Variants in GABRB3 observed in about 807,000 individuals in gnomAD.
The protein encoded by GABRB3 is gamma-aminobutyric acid type A receptor subunit beta3, also known as gamma-aminobutyric acid receptor subunit beta-3.
In GABRB3, 14 loss-of-function variants were observed where a neutral mutation model predicts 52.1. The ratio of observed to expected loss-of-function variants is 0.27; its 90% CI spans 0.18 to 0.42. The LOEUF is 0.42. Among genes scored for constraint, GABRB3 ranks in the 10% least tolerant of loss-of-function variants. The pLI is 1.00. For missense variants in GABRB3, 307 were observed against 609.1 expected, an observed-to-expected ratio of 0.50 and a Z score of 5.22; for synonymous variants, 260 against 232.3, an observed-to-expected ratio of 1.12 and a Z score of -1.08.
At position 26,748,218 on chromosome 15, in the gene GABRB3, T is replaced by C. The variant is rs540283514; in HGVS notation, c.240+24184A>G. On this transcript the variant is annotated intron_variant, in intron 3 of 8. Transcript: ENST00000311550. ...GTCTTTCTTCCTGGTATCAGTGTAA[T>C]ACTGGTTTCGTAAAATTAGTTGGGA... Among the ~76,000 whole-genome samples, 5 of 152,308 alleles carry C rather than the reference T, an allele frequency of 3.3e-5. No homozygotes were observed. In the South Asian group the frequency reaches 1.0e-3, roughly 32 times the overall value.
intron 3 of GABRB3, chr15:26,629,162 G>T: frequency 6.7e-7 from 1 of 1,499,784 alleles, no homozygotes. Flanking sequence ...CGGAGTGTGG[G>T]GAGAAGCAGC....
intron 3 of GABRB3, among the ~76,000 whole-genome samples, chr15:26,730,386 C>T (rs887396150): frequency 6.9e-6 from 1 of 144,758 alleles, no homozygotes; most frequent in South Asian, 2.2e-4. Context: ...CCACTGCACT[C>T]CAGCCTGGGC....
chr15:26,706,817 T>C lies in GABRB3; in HGVS notation c.240+65585A>G, dbSNP rs554820710. On this transcript the variant is annotated intron_variant, in intron 3 of 8. Coordinates refer to ENST00000311550, the MANE Select transcript of GABRB3 (RefSeq NM_000814.6). The stretch of plus-strand genomic sequence containing the variant: ...TCTTTAAGCCATTATGCCCTAAATC[T>C]GTACACAGATATTCTGCATGAAAAT... 3.3e-4 allele frequency among the ~76,000 whole-genome samples: 50 copies of C among 152,338 alleles called. 1 individual carries two copies. Among genetic ancestry groups the C allele is most frequent in the African/African-American group, 1.1e-3 (47 of 41,578 alleles).
chr15:26,554,705 T>C (rs1256998097), intron 8 of GABRB3, among the ~76,000 whole-genome samples: 3 of 152,236 alleles, frequency 2.0e-5, no homozygotes, highest in South Asian at 4.1e-4. Flanking sequence ...TTTTGGAAGA[T>C]GCAGAGAGTC....
At chr15:26,732,093 GGATA>G (rs1889930692) in intron 3 of GABRB3, among the ~76,000 whole-genome samples, 1 of 151,828 alleles carries the variant, frequency 6.6e-6, no homozygotes, top group Admixed American at 6.6e-5. Flanking sequence ...GTGGATGGAT[GGATA>G]GATGATGGAT....
chr15:26,691,464 A>T (rs1049447163), intron 3 of GABRB3, among the ~76,000 whole-genome samples: 1 of 152,144 alleles, frequency 6.6e-6, no homozygotes, highest in African/African-American at 2.4e-5. Flanking sequence ...CATTCATTAC[A>T]TCCACTCTGC....
At chr15:26,590,809 A>T (rs574136781) in intron 4 of GABRB3, among the ~76,000 whole-genome samples, 1 of 152,300 alleles carries the variant, frequency 6.6e-6, no homozygotes, top group South Asian at 2.1e-4. Flanking sequence ...TCTCCCAGCC[A>T]TGTCATTACA....
rs1404584892 is a variant in GABRB3 at position 26,621,448 on chromosome 15, G to A, written c.327C>T (p.Asp109=). The A allele has an allele frequency of 2.5e-6, 4 of 1,614,160 alleles. No individual in the cohort carries two copies. The highest frequency in any genetic ancestry group is 3.4e-6 in the Non-Finnish European group (4 of 1,180,000). The change falls in exon 4 of 9, where the codon GAC becomes GAT. Residue 109 remains aspartate, a synonymous_variant. Coordinates refer to ENST00000311550, the MANE Select transcript of GABRB3 (RefSeq NM_000814.6). This position sits in a 1 kb window ranked among gnomAD's most constrained non-coding sequence, Gnocchi z 4.1. The stretch of plus-strand genomic sequence containing the variant: ...CCCATAGCTGGTCAGCCACTCGATT[G>A]TCAAGCGTGAGGTTGAGAGGGATCC... The part of the protein sequence containing the change: ...YSGIPLNLTL[D]NRVADQLWVP...
Position 26,651,454 on chromosome 15 carries a change from G to C in GABRB3, c.241-29920C>G, listed in dbSNP as rs73368389. Among the ~76,000 whole-genome samples, 483 of 152,338 alleles carry C rather than the reference G, an allele frequency of 3.2e-3. 4 individuals are homozygous for C. Among genetic ancestry groups the C allele is most frequent in the African/African-American group, 0.011 (466 of 41,578 alleles). The stretch of plus-strand genomic sequence containing the variant: ...AACCAGAGGGTGTACTGACTTGTGG[G>C]AACATTCAAGTATGTTCAGAGCTAT... On this transcript the variant is annotated intron_variant, in intron 3 of 8. Transcript: ENST00000311550.
intron 3 of GABRB3, among the ~76,000 whole-genome samples, chr15:26,742,223 TGGGTCC>T (rs1326137867): frequency 6.6e-6 from 1 of 152,186 alleles, no homozygotes; most frequent in Non-Finnish European, 1.5e-5. Context: ...GTTTGCCTCT[TGGGTCC>T]TTCCCAGGAC....
chr15:26,634,818 G>A (rs929993), intron 3 of GABRB3, among the ~76,000 whole-genome samples: 60,944 of 148,082 alleles, frequency 0.41, 13,034 homozygotes, highest in Middle Eastern at 0.55. Context: ...CACTAAATAC[G>A]TGTGTATATA....
chr15:26,764,215 T>A (rs1355281208), intron 3 of GABRB3, among the ~76,000 whole-genome samples: 1 of 83,556 alleles, frequency 1.2e-5, no homozygotes, highest in Non-Finnish European at 2.2e-5. Flanking sequence ...TATATATATA[T>A]ATATATATAT....
At chr15:26,700,137 CT>C (rs1888880639) in intron 3 of GABRB3, among the ~76,000 whole-genome samples, 1 of 151,932 alleles carries the variant, frequency 6.6e-6, no homozygotes, top group Admixed American at 6.6e-5. Flanking sequence ...AACAAAATTA[CT>C]AACATTGGGA....
intron 8 of GABRB3, among the ~76,000 whole-genome samples, chr15:26,560,602 C>T (rs1889942171): frequency 1.3e-5 from 2 of 152,124 alleles, no homozygotes; most frequent in African/African-American, 4.8e-5. Context: ...GGGCAAAAAG[C>T]AACCGGGCCA....
chr15:26,567,703 C>A lies in GABRB3; in HGVS notation c.713G>T (p.Arg238Leu). The A allele has an allele frequency of 6.2e-7, 1 of 1,614,038 alleles. No homozygotes were observed. The highest frequency in any genetic ancestry group is 8.5e-7 in the Non-Finnish European group (1 of 1,180,028). Residue 238 changes from arginine to leucine, a missense_variant, in exon 7 of 9, where the codon CGG becomes CTG. Arg to Leu is a moderately radical substitution (Grantham distance 102). Coordinates refer to ENST00000311550, the MANE Select transcript of GABRB3 (RefSeq NM_000814.6). ...GAYPRLSLSF[R>L]LKRNIGYFIL... ...GAAGTATCCAATGTTCCTCTTCAAC[C>A]GAAAGCTCAGTGACAGTCGAGGATA...
At chr15:26,609,105 C>A (rs12899577) in intron 4 of GABRB3, among the ~76,000 whole-genome samples, 1 of 41,666 alleles carries the variant, frequency 2.4e-5, no homozygotes, top group Admixed American at 2.3e-4. Flanking sequence ...CACACACATA[C>A]ACACACACAC....
At chr15:26,719,899 C>T (rs1176164626) in intron 3 of GABRB3, among the ~76,000 whole-genome samples, 10 of 152,162 alleles carry the variant, frequency 6.6e-5, no homozygotes, top group Admixed American at 6.5e-4. Context: ...GCCTCTGAGC[C>T]CAAGCTAAGC....
chr15:26,730,638 T>G (rs1303677845), intron 3 of GABRB3, among the ~76,000 whole-genome samples: 1 of 152,110 alleles, frequency 6.6e-6, no homozygotes, highest in Non-Finnish European at 1.5e-5. Context: ...CATCTTAAAG[T>G]CATTTTACCA....
At chr15:26,765,297 C>T (rs1890966932) in intron 3 of GABRB3, among the ~76,000 whole-genome samples, 1 of 152,084 alleles carries the variant, frequency 6.6e-6, no homozygotes. Context: ...AACTGCAATC[C>T]TTTACTCTTC....
Sources: gnomAD v4.1 joint callset for allele counts (sites outside exome capture counted in the v4.1 genomes callset) on GRCh38, gnomAD v4.1.1 for gene constraint, Gnocchi (gnomAD v3.1) non-coding constraint, MANE v1.5 for transcripts, NCBI Gene and HGNC (gene_info 2026-07-23, HGNC 2026-07-21) for gene names.